Variants in TGFA observed in about 807,000 individuals in gnomAD.
The protein encoded by TGFA is protransforming growth factor alpha.
A neutral mutation model predicts 21.7 loss-of-function variants in TGFA; 12 were observed. The ratio of observed to expected loss-of-function variants is 0.55; its 90% CI spans 0.35 to 0.90. TGFA has a LOEUF of 0.90. Ranked by LOEUF, TGFA falls within the 40% of genes least tolerant of loss-of-function variation. The pLI, the probability that TGFA is intolerant of heterozygous loss-of-function variation, is 0.01. For missense variants in TGFA, 178 were observed against 210.8 expected (o/e 0.84, Z 0.96); for synonymous variants, 79 against 88.1 (o/e 0.90, Z 0.58).
chr2:70,509,188 T>C (rs938928641), intron 2 of TGFA, among the ~76,000 whole-genome samples: 10 of 152,210 alleles, frequency 6.6e-5, no homozygotes, highest in African/African-American at 2.4e-4. Flanking sequence ...GTAGAAAACA[T>C]GAGCCTTCTA....
chr2:70,450,389 A>C lies in TGFA; in HGVS notation c.*470T>G. 1 of 156,658 alleles carries C rather than the reference A, an allele frequency of 6.4e-6. No individual in the cohort carries two copies. The highest frequency in any genetic ancestry group is 1.4e-5 in the Non-Finnish European group (1 of 70,726). 9.7% of individuals were successfully genotyped at this position (156,658 alleles called of 1,614,324 possible). Reference sequence around the variant, plus strand: ...AGCTAGGGTCTTCATGTGATATTAAACAGTTTCCCCTCCTTCACTTTCTTC... The same window carrying C: ...AGCTAGGGTCTTCATGTGATATTAACCAGTTTCCCCTCCTTCACTTTCTTC... On this transcript the variant is annotated 3_prime_UTR_variant, in exon 6 of 6. Transcript: ENST00000295400.
In TGFA at chr2:70,450,869, G is replaced by A; in HGVS notation, c.476-3C>T. On this transcript the variant is annotated splice_region_variant and splice_polypyrimidine_tract_variant and intron_variant, in intron 5 of 5. Transcript: ENST00000295400. ...CCTCCTCTGGGCTCTTCAGACCACT[G>A]GCAGGAAGGAAAAACAGGTTAAGCA... 6.2e-7 allele frequency: 1 copy of A among 1,608,868 alleles called. No individual in the cohort carries two copies. The highest frequency in any genetic ancestry group is 8.5e-7 in the Non-Finnish European group (1 of 1,177,316).
chr2:70,528,066 C>T (rs140762776), intron 1 of TGFA, among the ~76,000 whole-genome samples: 207 of 152,320 alleles, frequency 1.4e-3, no homozygotes, highest in Admixed American at 4.8e-3. Context: ...AGCTCACTTC[C>T]AGCCTTTGCC....
intron 2 of TGFA, among the ~76,000 whole-genome samples, chr2:70,482,089 TC>T (rs1324805643): frequency 1.3e-5 from 2 of 150,840 alleles, no homozygotes; most frequent in African/African-American, 4.9e-5. Flanking sequence ...TCTGCAAACC[TC>T]TCACCTCAGG....
At chr2:70,481,946 A>G (rs1286568621) in intron 2 of TGFA, among the ~76,000 whole-genome samples, 1 of 152,192 alleles carries the variant, frequency 6.6e-6, no homozygotes, top group Non-Finnish European at 1.5e-5. Context: ...CAGCAAAGCC[A>G]CTTCTGAATT....
intron 3 of TGFA, among the ~76,000 whole-genome samples, chr2:70,457,335 C>G (rs1377541726): frequency 6.6e-6 from 1 of 152,088 alleles, no homozygotes; most frequent in Non-Finnish European, 1.5e-5. Flanking sequence ...TCGGGATGTG[C>G]CCTGGCCATA....
At chr2:70,537,621 A>T (rs781995394) in intron 1 of TGFA, among the ~76,000 whole-genome samples, 9 of 152,200 alleles carry the variant, frequency 5.9e-5, no homozygotes, top group Non-Finnish European at 8.8e-5. Context: ...ACCAGCTAAA[A>T]CTTGCCCTTA....
chr2:70,496,090 G>A (rs1553498305), intron 2 of TGFA, among the ~76,000 whole-genome samples: 1 of 150,932 alleles, frequency 6.6e-6, no homozygotes, highest in Non-Finnish European at 1.5e-5. Flanking sequence ...ATACTGCAAA[G>A]CTGCTGCCAT....
At chr2:70,495,862 T>A (rs544381110) in intron 2 of TGFA, among the ~76,000 whole-genome samples, 2 of 152,318 alleles carry the variant, frequency 1.3e-5, no homozygotes, top group South Asian at 4.1e-4. Context: ...CTCAGTATAT[T>A]TTTAATTGGT....
chr2:70,456,408 G>A lies in TGFA; in HGVS notation c.296C>T (p.Ala99Val). Residue 99 changes from alanine (A) to valine (V), a missense_variant, in exon 4 of 6, where the codon GCC (alanine) becomes GTC (valine). Coordinates refer to ENST00000295400, the MANE Select transcript of TGFA (RefSeq NM_003236.4). ...AVVAASQKKQ[A>V]ITALVVVSIV... Reference sequence around the variant, plus strand: ...GGAGACCACCACCAAGGCGGTGATGGCCTGCTTCTTCTGGCTGGCAGCCAC... The same window carrying A: ...GGAGACCACCACCAAGGCGGTGATGACCTGCTTCTTCTGGCTGGCAGCCAC... 1 of 1,592,764 alleles carries A rather than the reference G, an allele frequency of 6.3e-7. No individual in the cohort carries two copies.
At chr2:70,499,015 T>C (rs535911462) in intron 2 of TGFA, among the ~76,000 whole-genome samples, 12 of 152,190 alleles carry the variant, frequency 7.9e-5, no homozygotes, top group African/African-American at 2.9e-4. Context: ...ACACTAGTGT[T>C]TTTAAAACTC....
chr2:70,502,694 C>A (rs145957723), intron 2 of TGFA, among the ~76,000 whole-genome samples: 16 of 152,342 alleles, frequency 1.1e-4, no homozygotes, highest in African/African-American at 3.1e-4. Flanking sequence ...GCCCTTATGA[C>A]TTTAAGCTCA....
At chr2:70,546,236 T>C (rs1673297653) in intron 1 of TGFA, among the ~76,000 whole-genome samples, 1 of 89,724 alleles carries the variant, frequency 1.1e-5, no homozygotes, top group African/African-American at 3.8e-5. Flanking sequence ...AATTAACCAA[T>C]TCAGAGCAAG....
chr2:70,524,374 A>T (rs1473640367), intron 1 of TGFA, among the ~76,000 whole-genome samples: 1 of 152,250 alleles, frequency 6.6e-6, no homozygotes, highest in Non-Finnish European at 1.5e-5. Context: ...TTTAAGCCTT[A>T]TCAAAGACTT....
At chr2:70,453,438 AAACCAG>A in intron 4 of TGFA, 111 bp from the exon 5 acceptor site, 1 of 779,790 alleles carries the variant, frequency 1.3e-6, no homozygotes. Context: ...AACCAGCTCC[AAACCAG>A]CTCCCCATGG....
At chr2:70,520,001 A>G (rs182824088) in intron 1 of TGFA, among the ~76,000 whole-genome samples, 29 of 152,338 alleles carry the variant, frequency 1.9e-4, no homozygotes, top group Admixed American at 1.2e-3. Context: ...TCATCCATAA[A>G]ACAAGGATAA....
intron 2 of TGFA, among the ~76,000 whole-genome samples, chr2:70,505,967 A>G (rs540842419): frequency 6.6e-6 from 1 of 152,376 alleles, no homozygotes; most frequent in African/African-American, 2.4e-5. Context: ...TTGTGGGGAC[A>G]TCTGAGCCTC....
At chr2:70,488,700 G>C (rs1671339390) in intron 2 of TGFA, among the ~76,000 whole-genome samples, 1 of 152,034 alleles carries the variant, frequency 6.6e-6, no homozygotes, top group African/African-American at 2.4e-5. Flanking sequence ...TCATTTATAA[G>C]TTCTCTTCCC....
At chr2:70,512,158 T>A (rs1265371345) in intron 2 of TGFA, among the ~76,000 whole-genome samples, 3 of 152,122 alleles carry the variant, frequency 2.0e-5, no homozygotes, top group Non-Finnish European at 4.4e-5. Flanking sequence ...TTTGGAGGTG[T>A]GACTATAACA....
Sources: allele counts gnomAD v4.1 joint callset (sites outside exome capture counted in the v4.1 genomes callset), GRCh38; gene constraint gnomAD v4.1.1; transcripts MANE v1.5; gene names NCBI Gene and HGNC (gene_info 2026-07-23, HGNC 2026-07-21).